The following SPAG9 variants were observed in gnomAD, a reference collection of about 807,000 sequenced individuals.
SPAG9 encodes the protein sperm associated antigen 9, also known as C-Jun-amino-terminal kinase-interacting protein 4.
A neutral mutation model predicts 166.5 loss-of-function variants in SPAG9; 35 were observed. The ratio of observed to expected loss-of-function variants is 0.21; its 90% CI spans 0.16 to 0.28. The LOEUF (loss-of-function observed/expected upper bound fraction) is 0.28, where lower values mean the gene tolerates loss of function less well. Among genes scored for constraint, SPAG9 ranks in the 10% least tolerant of loss-of-function variants. The probability of loss-of-function intolerance (pLI) is 1.00; values close to 1 mark genes in which losing one functional copy is unlikely to be tolerated. For missense variants in SPAG9, 1,235 were observed against 1,603.3 expected (o/e 0.77, Z 3.92); for synonymous variants, 534 against 565.5 (o/e 0.94, Z 0.79).
chr17:51,054,402 C>CA (rs2047300265), intron 3 of SPAG9, among the ~76,000 whole-genome samples: 1 of 149,424 alleles, frequency 6.7e-6, no homozygotes, highest in South Asian at 2.1e-4. Flanking sequence ...GGATTACAGG[C>CA]ATGAGCCACT....
intron 10 of SPAG9, 76 bp from the exon 11 acceptor site, chr17:51,006,313 A>G (rs2045217662): frequency 7.3e-7 from 1 of 1,366,820 alleles, no homozygotes; most frequent in Non-Finnish European, 1.0e-6. Flanking sequence ...TTTGTAGACT[A>G]AACTGTACAA....
chr17:51,069,409 G>A (rs1048652194), intron 2 of SPAG9, among the ~76,000 whole-genome samples: 17 of 151,952 alleles, frequency 1.1e-4, no homozygotes, highest in African/African-American at 4.1e-4. Flanking sequence ...AAGCCTGAAT[G>A]TATTTTTTTA....
At chr17:51,098,367 G>A (rs2048702878) in intron 1 of SPAG9, among the ~76,000 whole-genome samples, 1 of 151,784 alleles carries the variant, frequency 6.6e-6, no homozygotes. Context: ...TGAATTAGAG[G>A]GAAGGGTGAG....
chr17:51,098,675 G>T (rs1052281369), intron 1 of SPAG9, among the ~76,000 whole-genome samples: 1 of 151,952 alleles, frequency 6.6e-6, no homozygotes, highest in African/African-American at 2.4e-5. Flanking sequence ...TGTATTTTTA[G>T]TAGAGACGGG....
At chr17:51,002,784 AAAC>A (rs1260203602) in intron 12 of SPAG9, among the ~76,000 whole-genome samples, 5 of 144,894 alleles carry the variant, frequency 3.5e-5, no homozygotes, top group African/African-American at 1.2e-4. Flanking sequence ...ACAACAACAA[AAAC>A]AACAACAAAA....
At chr17:51,053,535 A>C (rs776281044) in intron 3 of SPAG9, among the ~76,000 whole-genome samples, 30 of 151,932 alleles carry the variant, frequency 2.0e-4, no homozygotes, top group Non-Finnish European at 2.9e-4. Flanking sequence ...AAATACAAAA[A>C]TTAGCCAGGC....
chr17:51,087,477 G>C (rs1347853010), intron 1 of SPAG9, among the ~76,000 whole-genome samples: 1 of 152,174 alleles, frequency 6.6e-6, no homozygotes, highest in Non-Finnish European at 1.5e-5. Flanking sequence ...ATGAAGGCTG[G>C]AGGTATAGCA....
At chr17:51,075,408 T>C (rs1014571329) in intron 2 of SPAG9, among the ~76,000 whole-genome samples, 8 of 152,050 alleles carry the variant, frequency 5.3e-5, no homozygotes, top group African/African-American at 1.2e-4. Context: ...GTGTGAGACA[T>C]TTTAAAGGTA....
rs1263021369 is a variant in SPAG9, at chr17:51,046,884, C to A, written c.590+491G>T. 8 of 1,522,846 alleles carry A rather than the reference C, an allele frequency of 5.3e-6. No individual in the cohort carries two copies. In the East Asian group the frequency reaches 1.3e-4, roughly 24 times the overall value. The allele number at this position is 1,522,846 out of a possible 1,614,324, so 94.3% of individuals were successfully genotyped here. On this transcript the variant is annotated intron_variant, in intron 4 of 29. Coordinates refer to ENST00000262013, the MANE Select transcript of SPAG9 (RefSeq NM_001130528.3). ...GCTGCTCCTAGCATTTATGCAGCAA[C>A]CCCAAGCGACAGCCAGCCTATTAAC... is the stretch of plus-strand genomic sequence containing the variant.
At chr17:51,000,841 C>T (rs1003674479) in intron 13 of SPAG9, among the ~76,000 whole-genome samples, 3 of 152,050 alleles carry the variant, frequency 2.0e-5, no homozygotes, top group Admixed American at 1.3e-4. Flanking sequence ...ATTCGATATC[C>T]ACTAAATACT....
chr17:51,004,230 T>C (rs1361603841), intron 12 of SPAG9, among the ~76,000 whole-genome samples: 1 of 152,224 alleles, frequency 6.6e-6, no homozygotes, highest in Non-Finnish European at 1.5e-5. Flanking sequence ...CACAGAATAG[T>C]TCAATGTCTA....
At chr17:51,054,478 C>A (rs2144509698) in intron 3 of SPAG9, among the ~76,000 whole-genome samples, 1 of 151,568 alleles carries the variant, frequency 6.6e-6, no homozygotes, top group Non-Finnish European at 1.5e-5. Context: ...GCTCTCTTGC[C>A]CAGGCTGGAG....
chr17:51,009,082 C>T (rs1266484594), intron 9 of SPAG9: 2 of 441,172 alleles, frequency 4.5e-6, no homozygotes, highest in East Asian at 7.1e-5. Context: ...CAGCCAAGAA[C>T]ACCTAGCTTA....
Position 51,020,243 on chromosome 17 carries a change from T to A in SPAG9, c.1007A>T (p.Glu336Val), listed in dbSNP as rs2045887806. 1 of 1,612,276 alleles carries A rather than the reference T, an allele frequency of 6.2e-7. No individual in the cohort carries two copies. The highest frequency in any genetic ancestry group is 2.2e-5 in the East Asian group (1 of 44,840). Residue 336 changes from glutamate to valine, a missense_variant, in exon 8 of 30, where the codon GAA (glutamate) becomes GTA (valine). Around this residue, in one of 6 missense-constraint regions of SPAG9, gnomAD observed 288 missense variants for 323.7 expected, o/e 0.89. Transcript: ENST00000262013. ...RNVSTGSAEN[E>V]EKSEVQAIIE... ...GATTGCTTGAACTTCTGACTTTTCT[T>A]CATTTTCAGCAGAGCCTTAAAAAAG...
At position 51,120,521 on chromosome 17, in the gene SPAG9, C is replaced by A; in HGVS notation, c.136G>T (p.Val46Leu). The A allele has an allele frequency of 6.2e-7, 1 of 1,613,998 alleles. No individual in the cohort carries two copies. Among genetic ancestry groups the A allele is most frequent in the Non-Finnish European group, 8.5e-7 (1 of 1,179,894 alleles). Residue 46 changes from valine to leucine, a missense_variant, in exon 1 of 30, where the codon GTG becomes TTG. Transcript: ENST00000262013. This position sits in a 1 kb window ranked among gnomAD's most constrained non-coding sequence, Gnocchi z 4.7. ...ERLIGRYDEE[V>L]VKELMPLVVA... ...ACCAGCGGCATCAGCTCTTTGACCA[C>A]CTCCTCGTCATAGCGCCCGATAAGC...
At chr17:51,114,789 T>C (rs2049234228) in intron 1 of SPAG9, among the ~76,000 whole-genome samples, 1 of 152,038 alleles carries the variant, frequency 6.6e-6, no homozygotes, top group Non-Finnish European at 1.5e-5. Flanking sequence ...CTGTCTCTAC[T>C]GAAAATACAA....
rs191343350 is a variant in SPAG9, at chr17:50,982,668, C to G, written c.3093G>C (p.Gly1031=). ...GGTGATAGTTTGACAAATCCCACTGCCCATCTTTAAAAAAAATAAAAGGTT... is the reference window on the plus strand; with the variant it reads ...GGTGATAGTTTGACAAATCCCACTGGCCATCTTTAAAAAAAATAAAAGGTT... ...TLAIFHRGVD[G]QWDLSNYHLL... is the part of the protein sequence containing the mutation. The change falls in exon 25 of 30, where the codon GGG becomes GGC. Residue 1031 remains glycine (G), a synonymous_variant. Transcript: ENST00000262013. 12 of 1,599,406 alleles carry G rather than the reference C, an allele frequency of 7.5e-6. No homozygotes were observed. The East Asian group carries it at 2.7e-4, about 36-fold the overall frequency.
chr17:51,007,125 G>T (rs2045258560), intron 10 of SPAG9, 144 bp downstream of exon 10: 2 of 509,204 alleles, frequency 3.9e-6, no homozygotes, highest in Non-Finnish European at 7.0e-6. Flanking sequence ...GTGTGTGTGT[G>T]TGTGTGTGTG....
rs1465874100 is a variant in SPAG9, at chr17:51,010,635, G to A, written c.1214-3309C>T. Among the ~76,000 whole-genome samples, 2 of 150,540 alleles carry A rather than the reference G, an allele frequency of 1.3e-5. 1 individual carries two copies. The highest frequency in any genetic ancestry group is 3.9e-4 in the East Asian group (2 of 5,176). On this transcript the variant is annotated intron_variant, in intron 9 of 29. Transcript: ENST00000262013. ...TATGTATACACACACACATTTAGGA[G>A]AGGGAACAAACAAGCCTTGGTGATT... is the stretch of plus-strand genomic sequence containing the variant.
Sources: gnomAD v4.1 joint callset for allele counts (sites outside exome capture counted in the v4.1 genomes callset) on GRCh38, gnomAD v4.1.1 for gene constraint, gnomAD v4.1.1 regional missense constraint, Gnocchi (gnomAD v3.1) non-coding constraint, MANE v1.5 for transcripts, NCBI Gene and HGNC (gene_info 2026-07-23, HGNC 2026-07-21) for gene names.